The following PDE5A variants were observed in gnomAD, a reference collection of about 807,000 sequenced individuals.
PDE5A encodes phosphodiesterase 5A.
In PDE5A, 67 loss-of-function variants were observed where a neutral mutation model predicts 110.2. That is an observed-to-expected ratio of 0.61 (90% confidence interval 0.50 to 0.75). PDE5A has a LOEUF of 0.75. PDE5A is among the 30% of genes least tolerant of loss of function. The pLI, the probability that PDE5A is intolerant of heterozygous loss-of-function variation, is 0.00. For synonymous variants in PDE5A, 328 were observed against 351.2 expected (o/e 0.93, Z 0.74); for missense variants, 862 against 1,045.1 (o/e 0.82, Z 2.42).
At chr4:119,505,737 C>CT in intron 17 of PDE5A, 118 bp downstream of exon 17, 1 of 634,454 alleles carries the variant, frequency 1.6e-6, no homozygotes, top group Non-Finnish European at 2.8e-6. Flanking sequence ...AATCTGACCG[C>CT]TTTTAAGATC....
intron 3 of PDE5A, among the ~76,000 whole-genome samples, chr4:119,590,530 A>G (rs1430054529): frequency 1.3e-5 from 2 of 152,174 alleles, no homozygotes; most frequent in Non-Finnish European, 2.9e-5. Flanking sequence ...ATTCTCTAGA[A>G]GGGAGTAGGG....
At chr4:119,536,255 C>A (rs1021780907) in intron 11 of PDE5A, among the ~76,000 whole-genome samples, 1 of 152,014 alleles carries the variant, frequency 6.6e-6, no homozygotes, top group African/African-American at 2.4e-5. Context: ...AAGTGAAAAA[C>A]AAACTTGAAT....
At chr4:119,557,702 C>T (rs947690722) in intron 7 of PDE5A, among the ~76,000 whole-genome samples, 4 of 152,112 alleles carry the variant, frequency 2.6e-5, no homozygotes, top group African/African-American at 9.7e-5. Flanking sequence ...ACTACCACTA[C>T]AGATGAAGAA....
chr4:119,605,996 C>T (rs541148420), intron 2 of PDE5A, among the ~76,000 whole-genome samples: 4 of 152,244 alleles, frequency 2.6e-5, no homozygotes, highest in East Asian at 3.9e-4. Context: ...AGTTAAGATG[C>T]TTGGTTTTAA....
chr4:119,511,191 A>G (rs914492170), intron 14 of PDE5A, 57 bp from the exon 15 acceptor site: 10 of 1,068,542 alleles, frequency 9.4e-6, no homozygotes, highest in Non-Finnish European at 1.5e-5. Flanking sequence ...TATGCCATTT[A>G]TCAGTACATT....
intron 3 of PDE5A, among the ~76,000 whole-genome samples, chr4:119,576,215 T>G (rs1363394453): frequency 6.6e-6 from 1 of 152,154 alleles, no homozygotes; most frequent in Non-Finnish European, 1.5e-5. Context: ...CAAAGAGACT[T>G]AGACTCCCAC....
chr4:119,563,200 C>G (rs943310181), intron 5 of PDE5A, among the ~76,000 whole-genome samples: 1 of 152,084 alleles, frequency 6.6e-6, no homozygotes, highest in African/African-American at 2.4e-5. Flanking sequence ...AGTTTTTAAT[C>G]CTGACTTCCT....
At chr4:119,602,519 T>G (rs1729381761) in intron 2 of PDE5A, among the ~76,000 whole-genome samples, 1 of 152,194 alleles carries the variant, frequency 6.6e-6, no homozygotes, top group Non-Finnish European at 1.5e-5. Flanking sequence ...AGACAATGCC[T>G]GAAACATTGA....
intron 14 of PDE5A, among the ~76,000 whole-genome samples, chr4:119,513,681 A>G (rs1725821553): frequency 6.6e-6 from 1 of 152,192 alleles, no homozygotes; most frequent in South Asian, 2.1e-4. Flanking sequence ...TCTTCAACCC[A>G]TCACACTGTC....
At chr4:119,567,600 A>G (rs965066733) in intron 3 of PDE5A, among the ~76,000 whole-genome samples, 3 of 152,214 alleles carry the variant, frequency 2.0e-5, no homozygotes, top group African/African-American at 4.8e-5. Flanking sequence ...CCAATCATGG[A>G]AAGAATGCAG....
At chr4:119,521,230 T>G (rs1267401752) in intron 12 of PDE5A, among the ~76,000 whole-genome samples, 170 bp from the exon 13 acceptor site, 1 of 152,094 alleles carries the variant, frequency 6.6e-6, no homozygotes, top group Non-Finnish European at 1.5e-5. Context: ...GTCATATTGT[T>G]AGTTAGGGAT....
chr4:119,520,313 T>C (rs149339707), intron 13 of PDE5A, among the ~76,000 whole-genome samples: 417 of 152,226 alleles, frequency 2.7e-3, no homozygotes, highest in Non-Finnish European at 4.6e-3. Context: ...TTACCTAGAA[T>C]AACTAGTCGA....
At chr4:119,593,416 C>A (rs1488810498) in intron 3 of PDE5A, among the ~76,000 whole-genome samples, 1 of 152,224 alleles carries the variant, frequency 6.6e-6, no homozygotes, top group Non-Finnish European at 1.5e-5. Context: ...GTACAAACTA[C>A]TGATACATCC....
rs946186289 is a variant in PDE5A at position 119,574,997 on chromosome 4, G to A, written c.832-7853C>T. On this transcript the variant is annotated intron_variant, in intron 3 of 20. Transcript: ENST00000354960. Reference sequence around the variant, plus strand: ...AATGCAGAGAAGTCCTTAAAGGACCGGATGGAGCTGAAAACCAAGGCACGA... The same window carrying A: ...AATGCAGAGAAGTCCTTAAAGGACCAGATGGAGCTGAAAACCAAGGCACGA... Among the ~76,000 whole-genome samples the A allele has an allele frequency of 9.9e-5, 15 of 152,194 alleles. No individual in the cohort carries two copies. In the South Asian group the frequency reaches 2.3e-3, roughly 23 times the overall value.
chr4:119,529,081 C>G (rs544782082), intron 11 of PDE5A, among the ~76,000 whole-genome samples: 1 of 151,586 alleles, frequency 6.6e-6, no homozygotes, highest in Non-Finnish European at 1.5e-5. Flanking sequence ...CAATAATGTT[C>G]TAAATTTTAA....
intron 15 of PDE5A, among the ~76,000 whole-genome samples, chr4:119,508,232 C>G (rs1463526309): frequency 6.6e-6 from 1 of 151,936 alleles, no homozygotes; most frequent in Admixed American, 6.6e-5. Flanking sequence ...CCAAAGGGTG[C>G]TTACTGGTCA....
chr4:119,556,317 A>C (rs779220039), intron 7 of PDE5A, among the ~76,000 whole-genome samples: 1 of 152,176 alleles, frequency 6.6e-6, no homozygotes, highest in Non-Finnish European at 1.5e-5. Context: ...CAGGTGATAC[A>C]TGCTGTCTGT....
intron 9 of PDE5A, chr4:119,552,074 TA>T (rs1727374917): frequency 6.6e-6 from 1 of 152,206 alleles, no homozygotes; most frequent in Admixed American, 6.5e-5. Context: ...GAGGTTTTTC[TA>T]TAATCATGTT....
chr4:119,554,747 AAAAT>A (rs1455469014), intron 7 of PDE5A, among the ~76,000 whole-genome samples: 3 of 152,228 alleles, frequency 2.0e-5, no homozygotes, highest in African/African-American at 7.2e-5. Flanking sequence ...AAAAAAAACA[AAAAT>A]AAAAAATAAC....
Sources: allele counts gnomAD v4.1 joint callset (sites outside exome capture counted in the v4.1 genomes callset), GRCh38; gene constraint gnomAD v4.1.1; transcripts MANE v1.5; gene names NCBI Gene and HGNC (gene_info 2026-07-23, HGNC 2026-07-21).